SGIP1: variants seen among roughly 807,000 people sequenced by gnomAD.
The protein encoded by SGIP1 is SH3GL interacting endocytic adaptor 1.
In SGIP1, 38 loss-of-function variants were observed where a neutral mutation model predicts 107.5. The observed-to-expected ratio is 0.35, with a 90% CI of 0.27 to 0.46. SGIP1 has a LOEUF of 0.46. Ranked by LOEUF, SGIP1 falls within the 20% of genes least tolerant of loss-of-function variation. The pLI, the probability that SGIP1 is intolerant of heterozygous loss-of-function variation, is 1.00. For missense variants in SGIP1, 929 were observed against 1,019.5 expected (o/e 0.91, Z 1.21); for synonymous variants, 365 against 366.1 (o/e 1.00, Z 0.03).
chr1:66,536,731 A>G (rs1480922442), intron 1 of SGIP1, among the ~76,000 whole-genome samples: 1 of 152,148 alleles, frequency 6.6e-6, no homozygotes, highest in South Asian at 2.1e-4. Context: ...GCTACCAAAC[A>G]TCTAGTTAAA....
chr1:66,707,157 A>G (rs1464139138), intron 18 of SGIP1, among the ~76,000 whole-genome samples: 1 of 152,148 alleles, frequency 6.6e-6, no homozygotes, highest in African/African-American at 2.4e-5. Flanking sequence ...GAAGCCATAC[A>G]CTGGGTTATG....
chr1:66,670,044 T>C (rs1309631831), intron 9 of SGIP1, among the ~76,000 whole-genome samples: 1 of 152,184 alleles, frequency 6.6e-6, no homozygotes, highest in Non-Finnish European at 1.5e-5. Flanking sequence ...GTGTTCATGG[T>C]CTCAGCTTTT....
intron 1 of SGIP1, among the ~76,000 whole-genome samples, chr1:66,570,266 T>C (rs1015936596): frequency 2.6e-5 from 4 of 151,898 alleles, no homozygotes; most frequent in African/African-American, 9.7e-5. Context: ...ATTATCATCC[T>C]AGGAACTTTT....
At chr1:66,542,062 G>A (rs1193235000) in intron 1 of SGIP1, among the ~76,000 whole-genome samples, 1 of 152,016 alleles carries the variant, frequency 6.6e-6, no homozygotes, top group Non-Finnish European at 1.5e-5. Context: ...GCGGATGCCT[G>A]AAACTACAGA....
chr1:66,654,027 G>A (rs1357919509), intron 7 of SGIP1, among the ~76,000 whole-genome samples: 1 of 152,050 alleles, frequency 6.6e-6, no homozygotes, highest in Non-Finnish European at 1.5e-5. Flanking sequence ...CTCTAAGGAG[G>A]CATTTTCTCT....
chr1:66,589,580 C>G (rs2063291390), intron 1 of SGIP1, among the ~76,000 whole-genome samples: 1 of 152,038 alleles, frequency 6.6e-6, no homozygotes, highest in Non-Finnish European at 1.5e-5. Context: ...AGCTTCCAAA[C>G]AATGCCTGTG....
At chr1:66,620,311 GT>G (rs966264143) in intron 1 of SGIP1, among the ~76,000 whole-genome samples, 13 of 152,002 alleles carry the variant, frequency 8.6e-5, no homozygotes, top group African/African-American at 3.1e-4. Flanking sequence ...TTTTTAAAAA[GT>G]TTTTTAAAAA....
At position 66,702,098 on chromosome 1, in the gene SGIP1, G is replaced by C. The variant is rs145183808; in HGVS notation, c.1630+6605G>C. Among the ~76,000 whole-genome samples, 140 of 152,298 alleles carry C rather than the reference G, an allele frequency of 9.2e-4. 1 individual carries two copies. The highest frequency in any genetic ancestry group is 2.9e-3 in the African/African-American group (119 of 41,566). On this transcript the variant is annotated intron_variant, in intron 18 of 24. Coordinates refer to ENST00000371037, the MANE Select transcript of SGIP1 (RefSeq NM_032291.4). ...TTAATACGGGCTACATTCTGAGCTA[G>C]CTACTCCACATGCACAAGCTCATGT...
intron 1 of SGIP1, among the ~76,000 whole-genome samples, chr1:66,601,626 T>C (rs184761295): frequency 3.9e-5 from 6 of 152,238 alleles, no homozygotes; most frequent in African/African-American, 1.2e-4. Context: ...TTTTCAAAAA[T>C]TTATTTACTT....
chr1:66,723,841 G>C (rs2093644851), intron 19 of SGIP1, among the ~76,000 whole-genome samples: 1 of 152,182 alleles, frequency 6.6e-6, no homozygotes, highest in Non-Finnish European at 1.5e-5. Context: ...CACAATAGTA[G>C]ATAAGATGTG....
chr1:66,624,908 G>C (rs1190061770), intron 1 of SGIP1, among the ~76,000 whole-genome samples: 1 of 152,202 alleles, frequency 6.6e-6, no homozygotes, highest in African/African-American at 2.4e-5. Context: ...GAAGAACCAA[G>C]ACTGGGCTTG....
At chr1:66,602,199 G>T (rs894840751) in intron 1 of SGIP1, among the ~76,000 whole-genome samples, 1 of 152,298 alleles carries the variant, frequency 6.6e-6, no homozygotes. Context: ...TAATAGATCT[G>T]AAAGATTCAA....
rs1452994588 is a variant in SGIP1, at chr1:66,736,914, A to T, written c.2032-2421A>T. ...GGTGTATTTTCCAGAAATGCAAAAG[A>T]ATATAATTTTTTCTTGTGAGAATAG... On this transcript the variant is annotated intron_variant, in intron 21 of 24. Transcript: ENST00000371037. 2.6e-5 allele frequency among the ~76,000 whole-genome samples: 4 copies of T among 152,130 alleles called. No homozygotes were observed. In the East Asian group the frequency reaches 7.7e-4, roughly 29 times the overall value.
intron 19 of SGIP1, among the ~76,000 whole-genome samples, chr1:66,725,891 C>T (rs2093730625): frequency 6.6e-6 from 1 of 152,202 alleles, no homozygotes; most frequent in South Asian, 2.1e-4. Flanking sequence ...GGTGCTGCCG[C>T]CACCATGCAC....
Position 66,643,648 on chromosome 1 carries a change from C to G in SGIP1, c.388C>G (p.Leu130Val). 1 of 1,611,810 alleles carries G rather than the reference C, an allele frequency of 6.2e-7. No homozygotes were observed. The highest frequency in any genetic ancestry group is 8.5e-7 in the Non-Finnish European group (1 of 1,179,306). Residue 130 changes from leucine to valine, a missense_variant, in exon 7 of 25, where the codon CTT becomes GTT. Transcript: ENST00000371037. ...KIKPLQSKDI[L>V]KNAATVDELK... ...TAAACCATTGCAATCTAAAGACATT[C>G]TTAAGAATGCTGCAACTGTAGATGA...
At chr1:66,643,819 C>A (rs2077184830) in intron 7 of SGIP1, 100 bp downstream of exon 7, 2 of 1,055,990 alleles carry the variant, frequency 1.9e-6, no homozygotes, top group Non-Finnish European at 1.3e-6. Context: ...TAAATTGAAG[C>A]CTGCATATGG....
intron 21 of SGIP1, 111 bp from the exon 22 acceptor site, chr1:66,739,224 C>T (rs570518750): frequency 7.8e-6 from 9 of 1,157,142 alleles, no homozygotes; most frequent in Non-Finnish European, 7.4e-6. Flanking sequence ...CTTCACGGTG[C>T]CTCTCACTCA....
intron 1 of SGIP1, among the ~76,000 whole-genome samples, chr1:66,540,073 T>G (rs1571002826): frequency 6.6e-6 from 1 of 152,186 alleles, no homozygotes; most frequent in African/African-American, 2.4e-5. Context: ...CTATTCATTA[T>G]TAGGTATTAT....
chr1:66,673,508 T>C, intron 12 of SGIP1, 142 bp downstream of exon 12: 1 of 709,702 alleles, frequency 1.4e-6, no homozygotes. Context: ...CTAGGTGTGC[T>C]GTCAAGAACA....
Sources: gnomAD v4.1 joint callset for allele counts (sites outside exome capture counted in the v4.1 genomes callset) on GRCh38, gnomAD v4.1.1 for gene constraint, MANE v1.5 for transcripts, NCBI Gene and HGNC (gene_info 2026-07-23, HGNC 2026-07-21) for gene names.